The following TENM2 variants were observed in gnomAD, a reference collection of about 807,000 sequenced individuals.
TENM2 encodes the protein teneurin transmembrane protein 2.
In TENM2, 52 loss-of-function variants were observed where a neutral mutation model predicts 245.2. That is an observed-to-expected ratio of 0.21 (90% CI 0.17 to 0.27). The LOEUF (loss-of-function observed/expected upper bound fraction) is 0.27. TENM2 is among the 10% of genes least tolerant of loss of function. The pLI, the probability that TENM2 is intolerant of heterozygous loss-of-function variation, is 1.00. For synonymous variants in TENM2, 1,363 were observed against 1,438.9 expected (o/e 0.95, Z 1.19); for missense variants, 3,046 against 3,666.8 (o/e 0.83, Z 4.37).
At chr5:168,102,071 G>A (rs555637199) in intron 9 of TENM2, among the ~76,000 whole-genome samples, 8 of 149,938 alleles carry the variant, frequency 5.3e-5, no homozygotes, top group South Asian at 2.1e-4. Flanking sequence ...GTGTGTGTGC[G>A]TTTTGTTGTT....
At chr5:167,931,583 T>G (rs1434995899) in intron 3 of TENM2, among the ~76,000 whole-genome samples, 1 of 148,584 alleles carries the variant, frequency 6.7e-6, no homozygotes, top group Non-Finnish European at 1.5e-5. Flanking sequence ...AAGAAACATC[T>G]CTTGGAGCAG....
At chr5:167,932,351 C>T (rs1022478151) in intron 3 of TENM2, among the ~76,000 whole-genome samples, 2 of 152,144 alleles carry the variant, frequency 1.3e-5, no homozygotes, top group African/African-American at 4.8e-5. Flanking sequence ...CTCATGGTAG[C>T]TGTCTCATTA....
chr5:167,848,857 G>A (rs1770298602), intron 2 of TENM2, among the ~76,000 whole-genome samples: 1 of 152,184 alleles, frequency 6.6e-6, no homozygotes, highest in Non-Finnish European at 1.5e-5. Context: ...TGCTACGGGT[G>A]ATCCTGACAC....
At chr5:167,023,993 G>A in the TENM2 span, among the ~76,000 whole-genome samples, 32 of 152,318 alleles carry the variant, frequency 2.1e-4, no homozygotes, top group African/African-American at 7.2e-4. Flanking sequence ...AGGAATATAT[G>A]CATGGACATG....
chr5:167,947,976 T>C (rs1779769582), intron 3 of TENM2, among the ~76,000 whole-genome samples: 1 of 152,162 alleles, frequency 6.6e-6, no homozygotes, highest in Non-Finnish European at 1.5e-5. Flanking sequence ...TCCCACCCCA[T>C]CTATTTGTCG....
chr5:167,992,947 C>T (rs749973920), exon 5 of TENM2: 1 of 1,613,670 alleles, frequency 6.2e-7, no homozygotes, highest in East Asian at 2.2e-5. Context: ...CTGGCAGGCA[C>T]TTCCTCTTCA....
intron 2 of TENM2, among the ~76,000 whole-genome samples, chr5:167,588,369 T>C (rs571566903): frequency 6.6e-6 from 1 of 152,320 alleles, no homozygotes; most frequent in Non-Finnish European, 1.5e-5. Flanking sequence ...TCTCCTTAAT[T>C]TGAGGTATCA....
At chr5:167,480,161 A>G (rs1767665404) in intron 2 of TENM2, among the ~76,000 whole-genome samples, 1 of 152,178 alleles carries the variant, frequency 6.6e-6, no homozygotes, top group Non-Finnish European at 1.5e-5. Flanking sequence ...TCCTTGATCC[A>G]ATAGTCAGTT....
At chr5:167,437,901 G>A (rs1010612762) in intron 2 of TENM2, among the ~76,000 whole-genome samples, 2 of 152,118 alleles carry the variant, frequency 1.3e-5, no homozygotes, top group Non-Finnish European at 2.9e-5. Flanking sequence ...TCTTTCTTTT[G>A]TAAATTACCT....
chr5:168,002,356 CAATT>C (rs1230934840), intron 5 of TENM2, among the ~76,000 whole-genome samples: 2 of 152,196 alleles, frequency 1.3e-5, no homozygotes, highest in African/African-American at 4.8e-5. Context: ...AGTCATGATG[CAATT>C]CTCTCAGTTT....
chr5:167,925,717 A>T lies in TENM2; in HGVS notation c.713-26871A>T, dbSNP rs553807171. 7.2e-5 allele frequency among the ~76,000 whole-genome samples: 11 copies of T among 152,354 alleles called. No individual in the cohort carries two copies. The South Asian group carries it at 2.1e-3, about 29-fold the overall frequency. On this transcript the variant is annotated intron_variant, in intron 3 of 28. Coordinates refer to ENST00000518659, the Ensembl canonical transcript of TENM2. ...ATGGAATCAACCTAAATGCCCATTA[A>T]TGACAGATTGGATTTTTAAAATGTG...
chr5:167,807,623 TTAAAAA>T (rs1222926867), intron 2 of TENM2, among the ~76,000 whole-genome samples: 4 of 28,508 alleles, frequency 1.4e-4, no homozygotes, highest in Non-Finnish European at 2.4e-4. Context: ...TGCATTTTTT[TTAAAAA>T]AAAAAAAAAA....
At chr5:167,827,631 G>GA (rs1554126483) in intron 2 of TENM2, among the ~76,000 whole-genome samples, 1 of 128,414 alleles carries the variant, frequency 7.8e-6, no homozygotes, top group African/African-American at 2.9e-5. Context: ...AGGTGGGCGG[G>GA]GGGGGGGGAA....
intron 2 of TENM2, among the ~76,000 whole-genome samples, chr5:167,455,236 A>G (rs923431802): frequency 1.3e-5 from 2 of 152,232 alleles, no homozygotes; most frequent in Non-Finnish European, 2.9e-5. Flanking sequence ...AGTGAACACT[A>G]GAACAATAAA....
intron 27 of TENM2, among the ~76,000 whole-genome samples, chr5:168,254,120 T>A (rs1051244612): frequency 6.6e-6 from 1 of 152,260 alleles, no homozygotes. Flanking sequence ...GGTGCTGCAC[T>A]GACAGCGTGT....
the TENM2 span, among the ~76,000 whole-genome samples, chr5:167,035,656 G>A: frequency 9.2e-5 from 14 of 152,362 alleles, no homozygotes; most frequent in African/African-American, 2.9e-4. Flanking sequence ...GAGAAAAGAA[G>A]CCTGCCTTCG....
chr5:166,998,392 C>T, the TENM2 span, among the ~76,000 whole-genome samples: 2 of 152,160 alleles, frequency 1.3e-5, no homozygotes, highest in African/African-American at 4.8e-5. Context: ...GTTTACAAAA[C>T]ATGATCATCT....
chr5:167,148,321 G>T, the TENM2 span, among the ~76,000 whole-genome samples: 6 of 152,182 alleles, frequency 3.9e-5, no homozygotes, highest in Non-Finnish European at 8.8e-5. Context: ...ACTATGTTCA[G>T]TCTGCCTTAA....
intron 1 of TENM2, among the ~76,000 whole-genome samples, chr5:167,353,105 G>C (rs1328482119): frequency 6.6e-6 from 1 of 152,124 alleles, no homozygotes; most frequent in East Asian, 1.9e-4. Context: ...AAACATGAGG[G>C]AGGCTTGCCC....
Sources: gnomAD v4.1 joint callset for allele counts (sites outside exome capture counted in the v4.1 genomes callset) on GRCh38, gnomAD v4.1.1 for gene constraint, MANE v1.5 for transcripts, NCBI Gene and HGNC (gene_info 2026-07-23, HGNC 2026-07-21) for gene names.